TAFA2: variants seen among roughly 807,000 people sequenced by gnomAD.
TAFA2 encodes chemokine-like protein TAFA-2.
A neutral mutation model predicts 18.8 loss-of-function variants in TAFA2; 7 were observed. The observed-to-expected ratio is 0.37, with a 90% CI of 0.21 to 0.70. The LOEUF is 0.70. TAFA2 is among the 30% of genes least tolerant of loss of function. TAFA2 has a pLI of 0.53. For missense variants in TAFA2, 122 were observed against 158.1 expected, an observed-to-expected ratio of 0.77 and a Z score of 1.23; for synonymous variants, 60 against 54.2, an observed-to-expected ratio of 1.11 and a Z score of -0.47.
At chr12:61,927,582 C>T (rs961908695) in intron 1 of TAFA2, among the ~76,000 whole-genome samples, 1 of 152,182 alleles carries the variant, frequency 6.6e-6, no homozygotes, top group Non-Finnish European at 1.5e-5. Flanking sequence ...AATGGCCCTA[C>T]TACCCAAAGT....
chr12:62,117,480 C>T (rs1870011331), intron 1 of TAFA2, among the ~76,000 whole-genome samples: 1 of 152,104 alleles, frequency 6.6e-6, no homozygotes, highest in Non-Finnish European at 1.5e-5. Context: ...CATATTGACT[C>T]ACAGTATTCA....
intron 1 of TAFA2, among the ~76,000 whole-genome samples, chr12:62,099,492 A>T (rs953989641): frequency 6.6e-6 from 1 of 152,192 alleles, no homozygotes; most frequent in Non-Finnish European, 1.5e-5. Context: ...CTACAGACTC[A>T]CACCTGCAGG....
At chr12:62,066,484 A>G in intron 1 of TAFA2, among the ~76,000 whole-genome samples, 1 of 151,528 alleles carries the variant, frequency 6.6e-6, no homozygotes, top group East Asian at 1.9e-4. Context: ...ACTGGTAACC[A>G]TCCTTCTACT....
intron 2 of TAFA2, among the ~76,000 whole-genome samples, chr12:61,789,651 T>C (rs1302191881): frequency 6.6e-6 from 1 of 151,806 alleles, no homozygotes; most frequent in Non-Finnish European, 1.5e-5. Flanking sequence ...GTAATAAACC[T>C]GCACATTCTG....
chr12:62,256,058 C>T (rs1284215185), intron 1 of TAFA2, among the ~76,000 whole-genome samples: 3 of 151,966 alleles, frequency 2.0e-5, no homozygotes, highest in African/African-American at 4.8e-5. Flanking sequence ...CGCCAGAGGT[C>T]GGGAGTTTGA....
chr12:62,145,161 C>T lies in TAFA2; in HGVS notation c.-2+46098G>A, dbSNP rs565909076. ...TTCAAAGCTTGTCTTTCCCCCATCA[C>T]TGTTTAGTTTGTGCTACATGGCAGG... On this transcript the variant is annotated intron_variant, in intron 1 of 4. Coordinates refer to ENST00000416284, the MANE Select transcript of TAFA2 (RefSeq NM_178539.5). Among the ~76,000 whole-genome samples the T allele has an allele frequency of 4.1e-3, 628 of 152,298 alleles. 3 individuals are homozygous for T. Among genetic ancestry groups the T allele is most frequent in the Middle Eastern group, 0.014 (4 of 294 alleles).
intron 2 of TAFA2, among the ~76,000 whole-genome samples, chr12:61,842,452 A>T (rs1197633341): frequency 6.6e-6 from 1 of 152,036 alleles, no homozygotes. Context: ...GACATTTTCA[A>T]ATTCCAAGCA....
chr12:62,122,855 A>T (rs1295959991), intron 1 of TAFA2, among the ~76,000 whole-genome samples: 6 of 152,160 alleles, frequency 3.9e-5, no homozygotes, highest in Non-Finnish European at 7.3e-5. Context: ...GCATAATCCC[A>T]CACTGTGACC....
At chr12:61,877,926 C>T (rs1053304280) in intron 1 of TAFA2, among the ~76,000 whole-genome samples, 6 of 149,794 alleles carry the variant, frequency 4.0e-5, no homozygotes, top group Non-Finnish European at 7.5e-5. Flanking sequence ...TATATATATA[C>T]ACACACACAC....
intron 1 of TAFA2, among the ~76,000 whole-genome samples, chr12:61,889,153 C>A (rs1875519846): frequency 6.6e-6 from 1 of 152,176 alleles, no homozygotes; most frequent in African/African-American, 2.4e-5. Context: ...AGCTAACACA[C>A]ATGATGCACT....
intron 1 of TAFA2, among the ~76,000 whole-genome samples, chr12:62,022,878 G>T (rs1426229081): frequency 6.6e-6 from 1 of 152,188 alleles, no homozygotes; most frequent in Non-Finnish European, 1.5e-5. Flanking sequence ...CATTCCCAGG[G>T]GTTCCCATGG....
chr12:62,177,998 G>C (rs1033000665), intron 1 of TAFA2, among the ~76,000 whole-genome samples: 4 of 152,086 alleles, frequency 2.6e-5, no homozygotes, highest in Non-Finnish European at 1.5e-5. Context: ...TCAGAGGAGG[G>C]TAAGCCTCAA....
At position 61,959,331 on chromosome 12, in the gene TAFA2, T is replaced by C. The variant is rs369773563; in HGVS notation, c.-1-91905A>G. Among the ~76,000 whole-genome samples, 18 of 152,006 alleles carry C rather than the reference T, an allele frequency of 1.2e-4. 1 individual carries two copies. The highest frequency in any genetic ancestry group is 3.3e-4 in the Admixed American group (5 of 15,238). On this transcript the variant is annotated intron_variant, in intron 1 of 4. Transcript: ENST00000416284. ...TATGCCTAATCCTTTATTCAAATTT[T>C]GTTTGAGTATTTTAATTAAATGTCA...
chr12:61,948,252 C>A (rs1298807089), intron 1 of TAFA2, among the ~76,000 whole-genome samples: 1 of 152,068 alleles, frequency 6.6e-6, no homozygotes, highest in Non-Finnish European at 1.5e-5. Flanking sequence ...TTCCTCAGAG[C>A]AAAGAGGTTA....
chr12:62,193,023 A>G (rs1181564532), upstream of TAFA2, among the ~76,000 whole-genome samples: 1 of 152,260 alleles, frequency 6.6e-6, no homozygotes, highest in Non-Finnish European at 1.5e-5. Flanking sequence ...CCTATTAAGC[A>G]AAGCCCTTGC....
At chr12:61,954,703 G>T (rs1232689100) in intron 1 of TAFA2, among the ~76,000 whole-genome samples, 1 of 152,034 alleles carries the variant, frequency 6.6e-6, no homozygotes, top group Non-Finnish European at 1.5e-5. Context: ...TTTTATTTTT[G>T]TGAGCTGCTT....
intron 2 of TAFA2, among the ~76,000 whole-genome samples, chr12:61,798,856 T>C (rs143670350): frequency 6.6e-6 from 1 of 152,352 alleles, no homozygotes; most frequent in Non-Finnish European, 1.5e-5. Flanking sequence ...AAAAATGTTC[T>C]ATAGAATGTT....
intron 2 of TAFA2, among the ~76,000 whole-genome samples, chr12:61,766,652 T>C (rs935770133): frequency 2.0e-5 from 3 of 152,062 alleles, no homozygotes; most frequent in African/African-American, 7.2e-5. Flanking sequence ...TTTTAATCTA[T>C]GAATATCCAG....
At chr12:61,934,179 C>G (rs1877670644) in intron 1 of TAFA2, among the ~76,000 whole-genome samples, 1 of 152,164 alleles carries the variant, frequency 6.6e-6, no homozygotes, top group African/African-American at 2.4e-5. Context: ...ATCCTGAATC[C>G]TGTTGCTGCA....
Sources: gnomAD v4.1 joint callset for allele counts (sites outside exome capture counted in the v4.1 genomes callset) on GRCh38, gnomAD v4.1.1 for gene constraint, MANE v1.5 for transcripts, NCBI Gene and HGNC (gene_info 2026-07-23, HGNC 2026-07-21) for gene names.